The following ADRM1 variants were observed in gnomAD, a reference collection of about 807,000 sequenced individuals.
The protein encoded by ADRM1 is proteasomal ubiquitin receptor ADRM1.
A neutral mutation model predicts 40.1 loss-of-function variants in ADRM1; 2 were observed. That is an observed-to-expected ratio of 0.05 (90% confidence interval 0.02 to 0.16). The LOEUF (loss-of-function observed/expected upper bound fraction) is 0.16. ADRM1 is among the 10% of genes least tolerant of loss of function. ADRM1 has a pLI of 1.00. For synonymous variants in ADRM1, 287 were observed against 240.4 expected (o/e 1.19, Z -1.79); for missense variants, 467 against 552.5 (o/e 0.85, Z 1.55).
Position 62,308,022 on chromosome 20 carries a change from G to T in ADRM1, c.858G>T (p.Val286=). 1 of 1,608,022 alleles carries T rather than the reference G, an allele frequency of 6.2e-7. No individual in the cohort carries two copies. The highest frequency in any genetic ancestry group is 8.5e-7 in the Non-Finnish European group (1 of 1,177,012). ...VPAGPAGGQQ[V]DLASVLTPEI... is the part of the protein sequence containing the mutation. Reference sequence around the variant, plus strand: ...GATGGCCGTGTTCTTGTGCCCCAGTGGACCTGGCCAGTGTGCTGACGCCGG... The same window carrying T: ...GATGGCCGTGTTCTTGTGCCCCAGTTGACCTGGCCAGTGTGCTGACGCCGG... The change falls in exon 8 of 10, where the codon GTG becomes GTT. Residue 286 remains valine, a splice_region_variant and synonymous_variant. Coordinates refer to ENST00000253003, the MANE Select transcript of ADRM1 (RefSeq NM_007002.4).
intron 5 of ADRM1, among the ~76,000 whole-genome samples, 198 bp from the exon 6 acceptor site, chr20:62,307,173 G>C (rs1905672984): frequency 1.3e-5 from 2 of 152,238 alleles, no homozygotes; most frequent in African/African-American, 4.8e-5. Context: ...GGATGGAACA[G>C]AAATGACCTT....
At chr20:62,303,897 C>T (rs1984497269) in intron 2 of ADRM1, 116 bp downstream of exon 2, 2 of 995,598 alleles carry the variant, frequency 2.0e-6, no homozygotes, top group Non-Finnish European at 3.0e-6. Flanking sequence ...GTGGGGCCGT[C>T]ATCGACTGCC....
At chr20:62,306,936 G>A (rs1985078554) in intron 5 of ADRM1, among the ~76,000 whole-genome samples, 1 of 152,212 alleles carries the variant, frequency 6.6e-6, no homozygotes, top group Non-Finnish European at 1.5e-5. Context: ...CCCCTGGTGA[G>A]GACCCCAGCT....
chr20:62,307,863 G>GC, intron 7 of ADRM1, 35 bp downstream of exon 7: 10 of 1,574,366 alleles, frequency 6.4e-6, no homozygotes, highest in Non-Finnish European at 8.6e-6. Context: ...TGGGTGGGGG[G>GC]CATGGGGCCT....
In ADRM1 at chr20:62,307,469, C is replaced by T. The variant is rs1568874342; in HGVS notation, c.623+17C>T. 1.9e-6 allele frequency: 3 copies of T among 1,607,256 alleles called. No individual in the cohort carries two copies. The highest frequency in any genetic ancestry group is 3.3e-5 in the Admixed American group (2 of 59,808). ...CTCCTCCAGGTGAGCCTCATCGCTC[C>T]TGCCACGCAGGTGCCACGGTGTTAA... is the stretch of plus-strand genomic sequence containing the variant. On this transcript the variant is annotated intron_variant, in intron 6 of 9. Coordinates refer to ENST00000253003, the MANE Select transcript of ADRM1 (RefSeq NM_007002.4).
chr20:62,308,573 C>CCTT (rs1985529378), intron 9 of ADRM1, 82 bp from the exon 10 acceptor site: 1 of 1,571,076 alleles, frequency 6.4e-7, no homozygotes, highest in African/African-American at 1.3e-5. Context: ...AGGTCACAGC[C>CCTT]CTTCTGCCCT....
Position 62,304,595 on chromosome 20 carries a change from G to T in ADRM1, c.330+18G>T. ...GGATGCAGGTATGGGGCAGGCCTTG[G>T]GGTTGTGCCTTTTTGTTGCCCTGCG... On this transcript the variant is annotated intron_variant, in intron 3 of 9. Coordinates refer to ENST00000253003, the MANE Select transcript of ADRM1 (RefSeq NM_007002.4). 1.2e-6 allele frequency: 2 copies of T among 1,610,486 alleles called. No homozygotes were observed. Among genetic ancestry groups the T allele is most frequent in the South Asian group, 2.2e-5 (2 of 90,944 alleles).
intron 3 of ADRM1, 87 bp from the exon 4 acceptor site, chr20:62,306,110 C>A: frequency 6.5e-7 from 1 of 1,532,146 alleles, no homozygotes; most frequent in Non-Finnish European, 8.8e-7. Flanking sequence ...TCAGGTCCCT[C>A]ACCTGGAAGC....
rs904133192 is a variant in ADRM1, at chr20:62,305,794, GGT to G, written c.331-399_331-398del. 4 of 213,276 alleles carry G rather than the reference GGT, an allele frequency of 1.9e-5. No homozygotes were observed. In the Admixed American group the frequency reaches 2.1e-4, roughly 11 times the overall value. 13.2% of individuals were successfully genotyped at this position (213,276 alleles called of 1,614,324 possible). A position where few individuals can be genotyped will look rare whatever the true frequency, so the allele number is the denominator to read the frequency against. On this transcript the variant is annotated intron_variant, in intron 3 of 9. Coordinates refer to ENST00000253003, the MANE Select transcript of ADRM1 (RefSeq NM_007002.4). ...AGCGCCTGCCGTGGCCCTGGGCCGC[GGT>G]GTGCTGAGCGGGCCAGTTCGCTGCC...
At chr20:62,304,712 A>G in intron 3 of ADRM1, 135 bp downstream of exon 3, 2 of 833,652 alleles carry the variant, frequency 2.4e-6, no homozygotes, top group Non-Finnish European at 4.0e-6. Flanking sequence ...CTGAGATGCC[A>G]CCTCAGGGCT....
chr20:62,303,704 C>G lies in ADRM1; in HGVS notation c.136C>G (p.Leu46Val). ...CGTGACTCCGGATAAGCGGAAAGGG[C>G]TGGTGTACATTCAGCAGACGGACGA... is the stretch of plus-strand genomic sequence containing the variant. The part of the protein sequence containing the change: ...TTVTPDKRKG[L>V]VYIQQTDDSL... The change falls in exon 2 of 10, where the codon CTG becomes GTG. Residue 46 changes from leucine to valine, a missense_variant. Physicochemically the swap from Leu to Val is conservative, Grantham distance 32. Around this residue, in one of 3 missense-constraint regions of ADRM1, gnomAD observed 16 missense variants for 49.1 expected, o/e 0.33. Coordinates refer to ENST00000253003, the MANE Select transcript of ADRM1 (RefSeq NM_007002.4). The G allele has an allele frequency of 6.2e-7, 1 of 1,612,522 alleles. No homozygotes were observed. The highest frequency in any genetic ancestry group is 2.2e-5 in the East Asian group (1 of 44,880).
chr20:62,304,323 C>A, intron 2 of ADRM1, 138 bp from the exon 3 acceptor site: 1 of 671,054 alleles, frequency 1.5e-6, no homozygotes, highest in Non-Finnish European at 2.6e-6. Context: ...TGTGGAGACC[C>A]TGCCAGCGAG....
chr20:62,308,696 C>G lies in ADRM1; in HGVS notation c.1159C>G (p.Pro387Ala), dbSNP rs749882447. ...CAAAGCCATGCAGAACAACGCCAAG[C>G]CCGAGCAGAAAGAGGGCGACACGAA... Reference protein sequence around the residue: ...FAKAMQNNAKPEQKEGDTKDK... With the variant: ...FAKAMQNNAKAEQKEGDTKDK... The change falls in exon 10 of 10, where the codon CCC becomes GCC. Residue 387 changes from proline to alanine, a missense_variant. Pro to Ala is a conservative substitution (Grantham distance 27). Coordinates refer to ENST00000253003, the MANE Select transcript of ADRM1 (RefSeq NM_007002.4). 1 of 1,612,962 alleles carries G rather than the reference C, an allele frequency of 6.2e-7. No individual in the cohort carries two copies. The highest frequency in any genetic ancestry group is 1.1e-5 in the South Asian group (1 of 91,082).
chr20:62,308,077 G>C lies in ADRM1; in HGVS notation c.913G>C (p.Asp305His). Residue 305 changes from aspartate (D) to histidine (H), a missense_variant, in exon 8 of 10, where the codon GAT (aspartate) becomes CAT (histidine). Asp to His is a moderately conservative substitution (Grantham distance 81). Coordinates refer to ENST00000253003, the MANE Select transcript of ADRM1 (RefSeq NM_007002.4). ...AATGGCTCCCATCCTCGCCAACGCGGATGTCCAGGAGCGCCTGCTTCCCTA... is the reference window on the plus strand; with the variant it reads ...AATGGCTCCCATCCTCGCCAACGCGCATGTCCAGGAGCGCCTGCTTCCCTA... ...EIMAPILANA[D>H]VQERLLPYLP... is the part of the protein sequence containing the mutation. 4.3e-6 allele frequency: 7 copies of C among 1,611,710 alleles called. No homozygotes were observed. Among genetic ancestry groups the C allele is most frequent in the Non-Finnish European group, 5.9e-6 (7 of 1,179,774 alleles).
chr20:62,307,978 C>CTT, intron 7 of ADRM1, 43 bp from the exon 8 acceptor site: 2 of 1,590,032 alleles, frequency 1.3e-6, no homozygotes, highest in Non-Finnish European at 1.7e-6. Context: ...CATGTGGGCA[C>CTT]TTAGGCTGTC....
chr20:62,303,688 G>A lies in ADRM1; in HGVS notation c.120G>A (p.Pro40=). Residue 40 remains proline, a synonymous_variant, in exon 2 of 10, where the codon CCG becomes CCA. Transcript: ENST00000253003. ...KMSLKGTTVT[P]DKRKGLVYIQ... ...CCCTGAAGGGGACCACCGTGACTCC[G>A]GATAAGCGGAAAGGGCTGGTGTACA... The A allele has an allele frequency of 6.2e-7, 1 of 1,612,478 alleles. No individual in the cohort carries two copies.
In ADRM1 at chr20:62,308,197, G is replaced by A. The variant is rs767496765; in HGVS notation, c.1014+19G>A. On this transcript the variant is annotated intron_variant, in intron 8 of 9. Transcript: ENST00000253003. ...CCAGCAGGTAGAGGCCGGGCCCAGG[G>A]TGTCCTCCACTGTGTGCTCAGGGAG... 36 of 1,594,208 alleles carry A rather than the reference G, an allele frequency of 2.3e-5. No homozygotes were observed. Among genetic ancestry groups the A allele is most frequent in the Non-Finnish European group, 2.0e-5 (23 of 1,174,382 alleles).
chr20:62,307,909 C>T lies in ADRM1; in HGVS notation c.856+81C>T, dbSNP rs532236207. On this transcript the variant is annotated intron_variant, in intron 7 of 9. Coordinates refer to ENST00000253003, the MANE Select transcript of ADRM1 (RefSeq NM_007002.4). Reference sequence around the variant, plus strand: ...GCACGCTCACCTTCCAAGGCATCTGCCTAGTGTGCGCGCCTGGGGTGCTGG... The same window carrying T: ...GCACGCTCACCTTCCAAGGCATCTGTCTAGTGTGCGCGCCTGGGGTGCTGG... The T allele has an allele frequency of 6.5e-6, 10 of 1,548,076 alleles. No homozygotes were observed. The African/African-American group carries it at 9.5e-5, about 15-fold the overall frequency.
In ADRM1 at chr20:62,308,641, T is replaced by G; in HGVS notation, c.1118-14T>G. The G allele has an allele frequency of 6.2e-7, 1 of 1,612,822 alleles. No individual in the cohort carries two copies. Among genetic ancestry groups the G allele is most frequent in the Middle Eastern group, 1.7e-4 (1 of 6,060 alleles). Reference sequence around the variant, plus strand: ...AAGGGTTAGACACCACCTTGTGTCTTTAACGTGTTCTAGATGTGGAAGCGT... The same window carrying G: ...AAGGGTTAGACACCACCTTGTGTCTGTAACGTGTTCTAGATGTGGAAGCGT... On this transcript the variant is annotated splice_polypyrimidine_tract_variant and intron_variant, in intron 9 of 9. Coordinates refer to ENST00000253003, the MANE Select transcript of ADRM1 (RefSeq NM_007002.4).
Sources: allele counts gnomAD v4.1 joint callset (sites outside exome capture counted in the v4.1 genomes callset), GRCh38; gene constraint gnomAD v4.1.1; regional missense constraint gnomAD v4.1.1; transcripts MANE v1.5; gene names NCBI Gene and HGNC (gene_info 2026-07-23, HGNC 2026-07-21).